CFAP20DC: variants seen among roughly 807,000 people sequenced by gnomAD.
CFAP20DC encodes the protein CFAP20 domain containing.
In CFAP20DC, 84 loss-of-function variants were observed where a neutral mutation model predicts 101.7. The ratio of observed to expected loss-of-function variants is 0.83; its 90% confidence interval spans 0.69 to 0.99. The LOEUF (loss-of-function observed/expected upper bound fraction) is 0.99, where lower values mean the gene tolerates loss of function less well. Among genes scored for constraint, CFAP20DC ranks in the 50% least tolerant of loss-of-function variants. The pLI is 0.00. For missense variants in CFAP20DC, 1,007 were observed against 970.3 expected (o/e 1.04, Z -0.50); for synonymous variants, 359 against 351.2 (o/e 1.02, Z -0.25).
chr3:58,831,973 A>C, intron 13 of CFAP20DC, 84 bp from the exon 14 acceptor site: 1 of 1,175,130 alleles, frequency 8.5e-7, no homozygotes, highest in East Asian at 2.4e-5. Context: ...TAACCCCTAC[A>C]GCAGCTCCCC....
chr3:58,949,367 T>C (rs567698862), intron 4 of CFAP20DC, among the ~76,000 whole-genome samples: 3 of 152,340 alleles, frequency 2.0e-5, no homozygotes, highest in African/African-American at 7.2e-5. Context: ...TTCTTTTAAT[T>C]GTGATGTTAC....
At chr3:58,798,298 G>C (rs1395885200) in intron 15 of CFAP20DC, among the ~76,000 whole-genome samples, 1 of 152,150 alleles carries the variant, frequency 6.6e-6, no homozygotes, top group Non-Finnish European at 1.5e-5. Flanking sequence ...AACATGACCA[G>C]AAGTTTGGGA....
chr3:58,911,872 T>C (rs921085567), intron 6 of CFAP20DC, among the ~76,000 whole-genome samples: 9 of 152,090 alleles, frequency 5.9e-5, no homozygotes, highest in Admixed American at 5.2e-4. Context: ...GGTCCTCCTA[T>C]AGCAACCCGT....
intron 14 of CFAP20DC, among the ~76,000 whole-genome samples, chr3:58,813,141 C>G (rs12634984): frequency 0.056 from 8,465 of 151,856 alleles, 568 homozygotes; most frequent in East Asian, 0.35. Flanking sequence ...ACCTCAAGTA[C>G]TGATCAATAA....
intron 5 of CFAP20DC, among the ~76,000 whole-genome samples, chr3:58,923,614 T>G (rs960592216): frequency 3.9e-5 from 6 of 152,206 alleles, no homozygotes; most frequent in Non-Finnish European, 7.3e-5. Flanking sequence ...TACTGTTTTC[T>G]GGCATATAAT....
intron 4 of CFAP20DC, among the ~76,000 whole-genome samples, chr3:58,995,611 T>A (rs1354377860): frequency 6.6e-6 from 1 of 152,262 alleles, no homozygotes; most frequent in East Asian, 1.9e-4. Context: ...TGGTTAAACA[T>A]TATTTTGGGT....
At chr3:58,809,132 C>A (rs144055858) in intron 14 of CFAP20DC, among the ~76,000 whole-genome samples, 24 of 151,836 alleles carry the variant, frequency 1.6e-4, no homozygotes, top group African/African-American at 5.6e-4. Context: ...TTTAGCACCC[C>A]ACTGTCAACA....
Position 58,760,805 on chromosome 3 carries a change from G to C in CFAP20DC, c.2238-6942C>G, listed in dbSNP as rs142898791. Among the ~76,000 whole-genome samples the C allele has an allele frequency of 9.9e-3, 1,507 of 152,218 alleles. 24 individuals are homozygous for C. The highest frequency in any genetic ancestry group is 0.035 in the African/African-American group (1,456 of 41,536). On this transcript the variant is annotated intron_variant, in intron 15 of 16. Transcript: ENST00000482387. ...CTATTGAGATAATCATGTGGTTTTT[G>C]TCATTGGTTCTGTTTACATGCTGGA...
intron 4 of CFAP20DC, among the ~76,000 whole-genome samples, chr3:58,958,632 T>C (rs2090865559): frequency 6.6e-6 from 1 of 152,210 alleles, no homozygotes; most frequent in Admixed American, 6.5e-5. Flanking sequence ...GATATTATAT[T>C]TTTGATCACA....
chr3:58,890,355 G>A (rs1387636852), intron 6 of CFAP20DC, among the ~76,000 whole-genome samples: 1 of 141,608 alleles, frequency 7.1e-6, no homozygotes, highest in Non-Finnish European at 1.6e-5. Flanking sequence ...GCCGGGCAGA[G>A]GGGCTCCTCA....
At chr3:58,840,118 C>T (rs1489474206) in intron 13 of CFAP20DC, among the ~76,000 whole-genome samples, 1 of 152,146 alleles carries the variant, frequency 6.6e-6, no homozygotes, top group Non-Finnish European at 1.5e-5. Flanking sequence ...CTTTTACTGG[C>T]AGTGGAAATG....
At chr3:58,889,486 T>C (rs1219440360) in intron 6 of CFAP20DC, among the ~76,000 whole-genome samples, 1 of 152,176 alleles carries the variant, frequency 6.6e-6, no homozygotes, top group African/African-American at 2.4e-5. Context: ...AATCATTACC[T>C]CTATTTACCA....
At chr3:58,960,854 T>TG (rs1469772318) in intron 4 of CFAP20DC, among the ~76,000 whole-genome samples, 3 of 152,222 alleles carry the variant, frequency 2.0e-5, no homozygotes, top group Non-Finnish European at 4.4e-5. Flanking sequence ...TTCCTAATCT[T>TG]AGAGAGACAG....
chr3:58,731,413 G>A (rs936748545), intron 3 of CFAP20DC, among the ~76,000 whole-genome samples: 3 of 152,174 alleles, frequency 2.0e-5, no homozygotes, highest in African/African-American at 7.2e-5. Flanking sequence ...ATGAATTGTA[G>A]GGCACATTTC....
chr3:58,966,058 G>A (rs2091495793), intron 4 of CFAP20DC, among the ~76,000 whole-genome samples: 1 of 152,240 alleles, frequency 6.6e-6, no homozygotes. Context: ...AAAAACGGCT[G>A]AGTATCAGTA....
intron 3 of CFAP20DC, among the ~76,000 whole-genome samples, chr3:58,720,722 G>C (rs1003232331): frequency 7.2e-5 from 11 of 152,058 alleles, no homozygotes; most frequent in Non-Finnish European, 1.2e-4. Flanking sequence ...TTAAGCAGAG[G>C]GTTATTAAGT....
chr3:58,822,725 A>T (rs1438827659), intron 14 of CFAP20DC, among the ~76,000 whole-genome samples: 1 of 152,172 alleles, frequency 6.6e-6, no homozygotes, highest in Non-Finnish European at 1.5e-5. Flanking sequence ...AAAGGTGAAC[A>T]ACTAGCTGTC....
chr3:59,013,601 G>C (rs1402276980), intron 4 of CFAP20DC, among the ~76,000 whole-genome samples: 1 of 152,110 alleles, frequency 6.6e-6, no homozygotes, highest in Admixed American at 6.5e-5. Flanking sequence ...ATGCAGACTT[G>C]TTACAACTCC....
chr3:58,837,400 GAC>G (rs1444945881), intron 13 of CFAP20DC, among the ~76,000 whole-genome samples: 1 of 152,198 alleles, frequency 6.6e-6, no homozygotes, highest in Admixed American at 6.5e-5. Flanking sequence ...AGAGAAGCCA[GAC>G]ACAGAAGAGT....
Sources: allele counts gnomAD v4.1 joint callset (sites outside exome capture counted in the v4.1 genomes callset), GRCh38; gene constraint gnomAD v4.1.1; transcripts MANE v1.5; gene names NCBI Gene and HGNC (gene_info 2026-07-23, HGNC 2026-07-21).